TTR: variants seen among roughly 807,000 people sequenced by gnomAD.
TTR encodes transthyretin, also known as epididymis luminal protein 111.
In TTR, 8 loss-of-function variants were observed where a neutral mutation model predicts 13.7. The observed-to-expected ratio is 0.58, with a 90% CI of 0.34 to 1.05. The LOEUF (loss-of-function observed/expected upper bound fraction) is 1.05, where lower values mean the gene tolerates loss of function less well. Ranked by LOEUF, TTR falls within the 50% of genes least tolerant of loss-of-function variation. The pLI, the probability that TTR is intolerant of heterozygous loss-of-function variation, is 0.02. For missense variants in TTR, 135 were observed against 185.5 expected, an observed-to-expected ratio of 0.73 and a Z score of 1.58; for synonymous variants, 75 against 71.7, an observed-to-expected ratio of 1.05 and a Z score of -0.23.
chr18:31,597,279 G>C (rs968667919), intron 3 of TTR: 3 of 152,138 alleles, frequency 2.0e-5, no homozygotes, highest in African/African-American at 7.2e-5. Flanking sequence ...CCAGACCTCA[G>C]GTGATTCACC....
chr18:31,594,040 C>A (rs112798297), intron 2 of TTR, among the ~76,000 whole-genome samples: 1 of 151,770 alleles, frequency 6.6e-6, no homozygotes, highest in African/African-American at 2.4e-5. Flanking sequence ...TATAAAATGC[C>A]AAGCATAACA....
rs1237121765 is a variant in TTR, at chr18:31,591,952, T to C, written c.50T>C (p.Val17Ala). ...LLLCLAGLVF[V>A]SEAGPTGTGE... is the part of the protein sequence containing the mutation. ...CTCTGCCTTGCTGGACTGGTATTTG[T>C]GTCTGAGGCTGGCCCTACGGTGAGT... Residue 17 changes from valine (V) to alanine (A), a missense_variant, in exon 1 of 4, where the codon GTG becomes GCG. By Grantham distance (64) the Val-to-Ala change is moderately conservative. Coordinates refer to ENST00000237014, the MANE Select transcript of TTR (RefSeq NM_000371.4). 13 of 1,614,158 alleles carry C rather than the reference T, an allele frequency of 8.1e-6. No homozygotes were observed. Among genetic ancestry groups the C allele is most frequent in the Non-Finnish European group, 1.1e-5 (13 of 1,180,016 alleles).
At chr18:31,598,222 A>T in intron 3 of TTR, 2 of 379,686 alleles carry the variant, frequency 5.3e-6, no homozygotes, top group Non-Finnish European at 1.0e-5. Context: ...CAATGACTCA[A>T]TGCAGTTTTG....
chr18:31,597,853 A>T (rs58678032), intron 3 of TTR, among the ~76,000 whole-genome samples: 1,801 of 152,342 alleles, frequency 0.012, 30 homozygotes, highest in African/African-American at 0.041. Flanking sequence ...GCCCAGTTAC[A>T]AAGCTTAAAT....
chr18:31,593,634 G>GT (rs902239469), intron 2 of TTR: 2 of 151,652 alleles, frequency 1.3e-5, no homozygotes, highest in Non-Finnish European at 1.5e-5. Context: ...GTCAAGCTCA[G>GT]TTAAAAAAAA....
In TTR at chr18:31,594,763, CTGAGGCTGGAGAATCCCT is replaced by C. The variant is rs2144408976; in HGVS notation, c.201-353_201-336del. On this transcript the variant is annotated intron_variant, in intron 2 of 3. Transcript: ENST00000237014. ...CCTGTAATCCCAGCTAATTGGGAGG[CTGAGGCTGGAGAATCCCT>C]TGAATCTAGGAGGCAGAGGTTGCAG... 2.6e-5 allele frequency among the ~76,000 whole-genome samples: 4 copies of C among 152,154 alleles called. 1 individual carries two copies. The East Asian group carries it at 7.7e-4, about 29-fold the overall frequency.
chr18:31,592,316 G>T (rs2073490238), intron 1 of TTR, among the ~76,000 whole-genome samples: 1 of 152,090 alleles, frequency 6.6e-6, no homozygotes, highest in African/African-American at 2.4e-5. Flanking sequence ...ATGTATTTGG[G>T]GGACAAACTG....
Position 31,598,559 on chromosome 18 carries a change from C to T in TTR, c.337-9C>T. Reference sequence around the variant, plus strand: ...TGGTGGAAATGGATCTGTCTGTCTTCTCTCATAGGTGGTATTCACAGCCAA... The same window carrying T: ...TGGTGGAAATGGATCTGTCTGTCTTTTCTCATAGGTGGTATTCACAGCCAA... On this transcript the variant is annotated splice_polypyrimidine_tract_variant and intron_variant, in intron 3 of 3. Coordinates refer to ENST00000237014, the MANE Select transcript of TTR (RefSeq NM_000371.4). 1 of 1,614,078 alleles carries T rather than the reference C, an allele frequency of 6.2e-7. No individual in the cohort carries two copies. The highest frequency in any genetic ancestry group is 8.5e-7 in the Non-Finnish European group (1 of 1,179,982).
intron 3 of TTR, chr18:31,595,490 C>T (rs2144409990): frequency 1.5e-6 from 1 of 649,692 alleles, no homozygotes; most frequent in Non-Finnish European, 2.8e-6. Flanking sequence ...CATGAAACTA[C>T]TCATAGTCTA....
At position 31,598,782 on chromosome 18, in the gene TTR, A is replaced by C; in HGVS notation, c.*107A>C. 8.7e-7 allele frequency: 1 copy of C among 1,146,206 alleles called. No homozygotes were observed. The highest frequency in any genetic ancestry group is 1.3e-6 in the Non-Finnish European group (1 of 781,684). The allele number at this position is 1,146,206 out of a possible 1,614,324, so 71.0% of individuals were successfully genotyped here. On this transcript the variant is annotated 3_prime_UTR_variant, in exon 4 of 4. Transcript: ENST00000237014. ...GTTTTCACCTCATATGCTATGTTAGAAGTCCAGGCAGAGACAATAAAACAT... is the reference window on the plus strand; with the variant it reads ...GTTTTCACCTCATATGCTATGTTAGCAGTCCAGGCAGAGACAATAAAACAT...
chr18:31,592,791 C>T, intron 1 of TTR, 105 bp from the exon 2 acceptor site: 1 of 1,436,810 alleles, frequency 7.0e-7, no homozygotes, highest in East Asian at 2.4e-5. Context: ...ATAATGGGAT[C>T]AGTGTGTAAT....
chr18:31,597,681 A>T lies in TTR; in HGVS notation c.337-887A>T, dbSNP rs562252139. 3.3e-5 allele frequency among the ~76,000 whole-genome samples: 5 copies of T among 152,350 alleles called. No individual in the cohort carries two copies. The South Asian group carries it at 1.0e-3, about 32-fold the overall frequency. Reference sequence around the variant, plus strand: ...AAGGCCTGTATACAAAATAAATCAAATTAAACACATCTTTACTGTCTTCTA... The same window carrying T: ...AAGGCCTGTATACAAAATAAATCAATTTAAACACATCTTTACTGTCTTCTA... On this transcript the variant is annotated intron_variant, in intron 3 of 3. Transcript: ENST00000237014.
intron 1 of TTR, 26 bp downstream of exon 1, chr18:31,591,997 C>CTTTTT (rs2073488650): frequency 6.2e-7 from 1 of 1,612,632 alleles, no homozygotes; most frequent in Admixed American, 1.7e-5. Context: ...ACATCCCATT[C>CTTTTT]CTACATTTAA....
In TTR at chr18:31,598,721, A is replaced by C. The variant is rs746586615; in HGVS notation, c.*46A>C. 2 of 1,590,942 alleles carry C rather than the reference A, an allele frequency of 1.3e-6. No homozygotes were observed. Among genetic ancestry groups the C allele is most frequent in the African/African-American group, 1.3e-5 (1 of 74,476 alleles). ...CCTGAAGGACGAGGGATGGGATTTC[A>C]TGTAACCAAGAGTATTCCATTTTTA... is the stretch of plus-strand genomic sequence containing the variant. On this transcript the variant is annotated 3_prime_UTR_variant, in exon 4 of 4. Coordinates refer to ENST00000237014, the MANE Select transcript of TTR (RefSeq NM_000371.4).
Position 31,598,820 on chromosome 18 carries a change from C to T in TTR, c.*145C>T. On this transcript the variant is annotated 3_prime_UTR_variant, in exon 4 of 4. Coordinates refer to ENST00000237014, the MANE Select transcript of TTR (RefSeq NM_000371.4). ...GACAATAAAACATTCCTGTGAAAGG[C>T]ACTTTTCATTCCACTTTAACTTGAT... is the stretch of plus-strand genomic sequence containing the variant. 1 of 833,082 alleles carries T rather than the reference C, an allele frequency of 1.2e-6. No homozygotes were observed. Among genetic ancestry groups the T allele is most frequent in the Non-Finnish European group, 2.0e-6 (1 of 506,882 alleles). The allele number at this position is 833,082 out of a possible 1,614,324, so 51.6% of individuals were successfully genotyped here.
intron 1 of TTR, among the ~76,000 whole-genome samples, chr18:31,592,432 C>T (rs2073490691): frequency 6.6e-6 from 1 of 152,128 alleles, no homozygotes; most frequent in Non-Finnish European, 1.5e-5. Flanking sequence ...TTCTTAAATC[C>T]TCTAGAAGAA....
At position 31,598,818 on chromosome 18, in the gene TTR, G is replaced by A; in HGVS notation, c.*143G>A. The A allele has an allele frequency of 1.2e-6, 1 of 861,288 alleles. No individual in the cohort carries two copies. Among genetic ancestry groups the A allele is most frequent in the East Asian group, 2.7e-5 (1 of 37,600 alleles). 53.4% of individuals were successfully genotyped at this position (861,288 alleles called of 1,614,324 possible). On this transcript the variant is annotated 3_prime_UTR_variant, in exon 4 of 4. Coordinates refer to ENST00000237014, the MANE Select transcript of TTR (RefSeq NM_000371.4). Reference sequence around the variant, plus strand: ...GAGACAATAAAACATTCCTGTGAAAGGCACTTTTCATTCCACTTTAACTTG... The same window carrying A: ...GAGACAATAAAACATTCCTGTGAAAAGCACTTTTCATTCCACTTTAACTTG...
intron 2 of TTR, among the ~76,000 whole-genome samples, chr18:31,593,784 C>T (rs1235072386): frequency 6.6e-6 from 1 of 152,166 alleles, no homozygotes; most frequent in Non-Finnish European, 1.5e-5. Flanking sequence ...CCTGCACTAG[C>T]AAAAACTTCA....
chr18:31,596,058 G>C (rs1431236369), intron 3 of TTR: 2 of 156,558 alleles, frequency 1.3e-5, no homozygotes, highest in African/African-American at 4.8e-5. Context: ...TTTGTAACGT[G>C]CTCTGTTCCC....
Sources: gnomAD v4.1 joint callset for allele counts (sites outside exome capture counted in the v4.1 genomes callset) on GRCh38, gnomAD v4.1.1 for gene constraint, MANE v1.5 for transcripts, NCBI Gene and HGNC (gene_info 2026-07-23, HGNC 2026-07-21) for gene names.